FUBP1: variants seen among roughly 807,000 people sequenced by gnomAD.
FUBP1 encodes far upstream element binding protein 1.
Under a neutral mutation model 94.9 loss-of-function variants are expected in FUBP1, and 16 were observed. That is an observed-to-expected ratio of 0.17 (90% CI 0.11 to 0.26). The LOEUF (loss-of-function observed/expected upper bound fraction) is 0.26. Ranked by LOEUF, FUBP1 falls within the 10% of genes least tolerant of loss-of-function variation. The pLI, the probability that FUBP1 is intolerant of heterozygous loss-of-function variation, is 1.00. For synonymous variants in FUBP1, 279 were observed against 254.9 expected (o/e 1.09, Z -0.90); for missense variants, 583 against 808.6 (o/e 0.72, Z 3.38).
rs148003690 is a variant in FUBP1 at position 77,974,647 on chromosome 1, TTTA to T, written c.120+4235_120+4237del. 5.2e-3 allele frequency among the ~76,000 whole-genome samples: 797 copies of T among 152,322 alleles called. 6 individuals are homozygous for T. Among genetic ancestry groups the T allele is most frequent in the African/African-American group, 0.016 (674 of 41,570 alleles). ...ACCACTATGCCCAGTCTTGCACTAATTTATTATTATCGTTAATACTGTGTCTGA... is the reference window on the plus strand; with the variant it reads ...ACCACTATGCCCAGTCTTGCACTAATTTATTATCGTTAATACTGTGTCTGA... On this transcript the variant is annotated intron_variant, in intron 1 of 19. Coordinates refer to ENST00000370768, the MANE Select transcript of FUBP1 (RefSeq NM_003902.5).
intron 14 of FUBP1, among the ~76,000 whole-genome samples, chr1:77,961,103 CTTT>C (rs1442153456): frequency 6.6e-6 from 1 of 152,130 alleles, no homozygotes; most frequent in South Asian, 2.1e-4. Flanking sequence ...CAAAAATTCC[CTTT>C]TTAATTCCTT....
In FUBP1 at chr1:77,948,739, A is replaced by C; in HGVS notation, c.*27T>G. ...AAGGTTTTTTTCCCCCACACAATGA[A>C]GCAAATACTGTATTGTCCACTTCTT... is the stretch of plus-strand genomic sequence containing the variant. On this transcript the variant is annotated 3_prime_UTR_variant, in exon 20 of 20. Transcript: ENST00000370768. 1.2e-6 allele frequency: 2 copies of C among 1,607,070 alleles called. No homozygotes were observed. The highest frequency in any genetic ancestry group is 1.1e-5 in the South Asian group (1 of 89,154).
intron 2 of FUBP1, among the ~76,000 whole-genome samples, chr1:77,968,828 C>A (rs181011292): frequency 1.8e-3 from 267 of 152,214 alleles, no homozygotes; most frequent in African/African-American, 6.3e-3. Context: ...TACCTTGGAA[C>A]AGACAACCTA....
chr1:77,959,068 A>C (rs187403363), intron 16 of FUBP1, among the ~76,000 whole-genome samples: 1 of 152,284 alleles, frequency 6.6e-6, no homozygotes, highest in East Asian at 1.9e-4. Context: ...ATCATATTCC[A>C]AACAGCACAC....
In FUBP1 at chr1:77,964,171, CAA is replaced by C. The variant is rs1319014831; in HGVS notation, c.941-11_941-10del. ...GGGTGTTGTCCCATCATCTTCAAAACAAAGAAACAAAATTAATTAAACAATAA... is the reference window on the plus strand; with the variant it reads ...GGGTGTTGTCCCATCATCTTCAAAACAGAAACAAAATTAATTAAACAATAA... On this transcript the variant is annotated splice_polypyrimidine_tract_variant and intron_variant, in intron 11 of 19. Transcript: ENST00000370768. 1 of 1,586,944 alleles carries C rather than the reference CAA, an allele frequency of 6.3e-7. No homozygotes were observed. Among genetic ancestry groups the C allele is most frequent in the South Asian group, 1.1e-5 (1 of 90,510 alleles).
chr1:77,966,822 T>TTA, intron 6 of FUBP1, 62 bp downstream of exon 6: 1 of 1,059,100 alleles, frequency 9.4e-7, no homozygotes, highest in Admixed American at 2.1e-5. Context: ...CTAGAAGGCT[T>TTA]AAAAAAAAAA....
In FUBP1 at chr1:77,949,178, G is replaced by T; in HGVS notation, c.1903C>A (p.Pro635Thr). 1 of 1,613,066 alleles carries T rather than the reference G, an allele frequency of 6.2e-7. No homozygotes were observed. Among genetic ancestry groups the T allele is most frequent in the Non-Finnish European group, 8.5e-7 (1 of 1,179,234 alleles). The change falls in exon 19 of 20, where the codon CCA becomes ACA. Residue 635 changes from proline to threonine, a missense_variant. Physicochemically the swap from Pro to Thr is conservative, Grantham distance 38. Coordinates refer to ENST00000370768, the MANE Select transcript of FUBP1 (RefSeq NM_003902.5). ...YYAQTSPQGM[P>T]QHPPAPQGQ Reference sequence around the variant, plus strand: ...ACCTGAGGTGCTGGAGGATGCTGTGGCATTCCCTGGGGACTTGTCTGGGCA... The same window carrying T: ...ACCTGAGGTGCTGGAGGATGCTGTGTCATTCCCTGGGGACTTGTCTGGGCA...
intron 10 of FUBP1, 94 bp from the exon 11 acceptor site, chr1:77,964,450 T>C (rs1335717686): frequency 9.1e-6 from 7 of 772,146 alleles, no homozygotes; most frequent in Non-Finnish European, 1.3e-5. Flanking sequence ...CCTGAAAATC[T>C]GCCTCAAATC....
At chr1:77,948,982 A>G in intron 19 of FUBP1, 173 bp downstream of exon 19, 1 of 893,914 alleles carries the variant, frequency 1.1e-6, no homozygotes, top group South Asian at 1.5e-5. Context: ...AGATGCTGGA[A>G]AGCATTATAA....
At chr1:77,965,869 A>G (rs1460776330) in intron 7 of FUBP1, among the ~76,000 whole-genome samples, 1 of 152,234 alleles carries the variant, frequency 6.6e-6, no homozygotes, top group Non-Finnish European at 1.5e-5. Flanking sequence ...CAACATGGTG[A>G]AACCCTGTCT....
intron 1 of FUBP1, among the ~76,000 whole-genome samples, chr1:77,970,429 A>T (rs970962289): frequency 7.2e-5 from 11 of 152,212 alleles, no homozygotes; most frequent in Admixed American, 6.5e-4. Flanking sequence ...GTTATTGAGT[A>T]CTCAAAATGT....
intron 2 of FUBP1, 152 bp from the exon 3 acceptor site, chr1:77,968,355 T>A (rs563550508): frequency 1.7e-6 from 1 of 596,116 alleles, no homozygotes; most frequent in African/African-American, 2.0e-5. Context: ...CAACCCCAAC[T>A]CAGTAATCTA....
rs775765737 is a variant in FUBP1, at chr1:77,956,646, T to C, written c.1631A>G (p.Tyr544Cys). Reference sequence around the variant, plus strand: ...TGGTGGCTGTGCTTGCTGTTGATAATAGTGAGCGTAATAAGCAGCCCAAGC... The same window carrying C: ...TGGTGGCTGTGCTTGCTGTTGATAACAGTGAGCGTAATAAGCAGCCCAAGC... ...SAAWAAYYAH[Y>C]YQQQAQPPPA... Residue 544 changes from tyrosine (Y) to cysteine (C), a missense_variant, in exon 17 of 20, where the codon TAT becomes TGT. Tyr to Cys is a radical substitution (Grantham distance 194). Coordinates refer to ENST00000370768, the MANE Select transcript of FUBP1 (RefSeq NM_003902.5). 15 of 1,609,286 alleles carry C rather than the reference T, an allele frequency of 9.3e-6. No homozygotes were observed. In the Admixed American group the frequency reaches 2.5e-4, roughly 27 times the overall value.
rs1393428770 is a variant in FUBP1, at chr1:77,948,254, C to T, written c.*512G>A. 1 of 1,055,824 alleles carries T rather than the reference C, an allele frequency of 9.5e-7. No individual in the cohort carries two copies. The highest frequency in any genetic ancestry group is 1.7e-5 in the African/African-American group (1 of 60,546). 65.4% of individuals were successfully genotyped at this position (1,055,824 alleles called of 1,614,324 possible). Reference sequence around the variant, plus strand: ...ATGGAAAAGATCCTCCAATCTACCACTATACTGCAAGGGGGGAAAAACATG... The same window carrying T: ...ATGGAAAAGATCCTCCAATCTACCATTATACTGCAAGGGGGGAAAAACATG... On this transcript the variant is annotated 3_prime_UTR_variant, in exon 20 of 20. Transcript: ENST00000370768.
intron 7 of FUBP1, 44 bp from the exon 8 acceptor site, chr1:77,965,275 A>T: frequency 1.5e-6 from 2 of 1,313,252 alleles, no homozygotes; most frequent in Non-Finnish European, 2.2e-6. Context: ...TAGCATACCC[A>T]AGCTTATTCA....
Position 77,962,867 on chromosome 1 carries a change from G to T in FUBP1, c.1247C>A (p.Pro416His). 1 of 1,611,894 alleles carries T rather than the reference G, an allele frequency of 6.2e-7. No homozygotes were observed. Among genetic ancestry groups the T allele is most frequent in the Non-Finnish European group, 8.5e-7 (1 of 1,178,024 alleles). Residue 416 changes from proline (P) to histidine (H), a missense_variant, in exon 14 of 20, where the codon CCT (proline) becomes CAT (histidine). Coordinates refer to ENST00000370768, the MANE Select transcript of FUBP1 (RefSeq NM_003902.5). ...SGARIELQRNPPPNADPNMKL... is the reference protein window; with the variant it reads ...SGARIELQRNHPPNADPNMKL... ...CATATTAGGATCTGCATTTGGTGGA[G>T]GATTTCTCTGAAGTTCTATTCTTGC...
At chr1:77,967,207 T>G (rs1428325837) in intron 4 of FUBP1, 106 bp from the exon 5 acceptor site, 2 of 699,946 alleles carry the variant, frequency 2.9e-6, no homozygotes, top group East Asian at 5.4e-5. Context: ...TCCCAATGGC[T>G]TAAACTAAGG....
intron 7 of FUBP1, among the ~76,000 whole-genome samples, chr1:77,966,062 G>A (rs1656426282): frequency 6.6e-6 from 1 of 152,178 alleles, no homozygotes; most frequent in African/African-American, 2.4e-5. Flanking sequence ...AACTAACAAT[G>A]CAGAAGAAAG....
rs1194779561 is a variant in FUBP1 at position 77,949,137 on chromosome 1, T to C, written c.1926+18A>G. On this transcript the variant is annotated intron_variant, in intron 19 of 19. Coordinates refer to ENST00000370768, the MANE Select transcript of FUBP1 (RefSeq NM_003902.5). ...ACAGACTGGAGTAGAAATCAACAAA[T>C]TAGCAATTACATTATACCTGAGGTG... 6.2e-7 allele frequency: 1 copy of C among 1,604,606 alleles called. No individual in the cohort carries two copies.
Sources: allele counts gnomAD v4.1 joint callset (sites outside exome capture counted in the v4.1 genomes callset), GRCh38; gene constraint gnomAD v4.1.1; transcripts MANE v1.5; gene names NCBI Gene and HGNC (gene_info 2026-07-23, HGNC 2026-07-21).